The following NAV2 variants were observed in gnomAD, a reference collection of about 807,000 sequenced individuals.
NAV2 encodes neuron navigator 2, also known as helicase, APC down-regulated 1.
A neutral mutation model predicts 223.2 loss-of-function variants in NAV2; 54 were observed. The observed-to-expected ratio is 0.24, with a 90% CI of 0.19 to 0.30. The LOEUF (loss-of-function observed/expected upper bound fraction) is 0.30, where lower values mean the gene tolerates loss of function less well. Among genes scored for constraint, NAV2 ranks in the 10% least tolerant of loss-of-function variants. NAV2 has a pLI of 1.00. For synonymous variants in NAV2, 1,279 were observed against 1,239.3 expected (o/e 1.03, Z -0.67); for missense variants, 2,806 against 3,147.5 (o/e 0.89, Z 2.60).
chr11:19,430,693 C>T (rs1851007930), intron 1 of NAV2, among the ~76,000 whole-genome samples: 2 of 149,996 alleles, frequency 1.3e-5, no homozygotes, highest in Non-Finnish European at 3.0e-5. Flanking sequence ...GAGCTCTGCA[C>T]ACATCCAGTT....
At chr11:20,100,021 A>G (rs1316988218) in intron 31 of NAV2, among the ~76,000 whole-genome samples, 1 of 152,126 alleles carries the variant, frequency 6.6e-6, no homozygotes, top group Non-Finnish European at 1.5e-5. Flanking sequence ...ATATAGATGC[A>G]TTGGGGGGAT....
chr11:19,853,562 C>T (rs921975809), intron 3 of NAV2, among the ~76,000 whole-genome samples: 5 of 152,146 alleles, frequency 3.3e-5, no homozygotes, highest in African/African-American at 1.2e-4. Context: ...TTGTGTGGCC[C>T]TAGACAATTC....
intron 1 of NAV2, among the ~76,000 whole-genome samples, chr11:19,636,384 C>G (rs552592429): frequency 3.8e-4 from 58 of 152,212 alleles, no homozygotes; most frequent in African/African-American, 1.3e-3. Context: ...GCTCATCACT[C>G]TGGAAGGGAC....
intron 20 of NAV2, among the ~76,000 whole-genome samples, chr11:20,067,721 C>T (rs2059141150): frequency 6.6e-6 from 1 of 151,366 alleles, no homozygotes; most frequent in Non-Finnish European, 1.5e-5. Context: ...AACTCCTGAC[C>T]TCAAGTGGTC....
chr11:19,743,357 C>A (rs192378050), intron 1 of NAV2, among the ~76,000 whole-genome samples: 1 of 152,218 alleles, frequency 6.6e-6, no homozygotes, highest in East Asian at 1.9e-4. Flanking sequence ...AGCAACAAGA[C>A]AGATGGCAGA....
chr11:19,806,228 G>A (rs573610970), intron 1 of NAV2, among the ~76,000 whole-genome samples: 1 of 152,332 alleles, frequency 6.6e-6, no homozygotes, highest in East Asian at 1.9e-4. Flanking sequence ...TTTATAGATG[G>A]TTGAATTCTC....
At position 19,836,430 on chromosome 11, in the gene NAV2, G is replaced by A. The variant is rs930206943; in HGVS notation, c.385+3829G>A. ...AAATTAGCCGGGCGCGGTGGCGGGC[G>A]CCTGTAGTCCCAGCTGCTCGGGAGG... is the stretch of plus-strand genomic sequence containing the variant. On this transcript the variant is annotated intron_variant, in intron 2 of 37. Coordinates refer to ENST00000349880, the MANE Select transcript of NAV2 (RefSeq NM_145117.5). 4.5e-4 allele frequency among the ~76,000 whole-genome samples: 68 copies of A among 152,050 alleles called. No homozygotes were observed. In the East Asian group the frequency reaches 9.7e-3, roughly 22 times the overall value.
At chr11:19,429,150 C>G (rs923379862) in intron 1 of NAV2, among the ~76,000 whole-genome samples, 1 of 152,212 alleles carries the variant, frequency 6.6e-6, no homozygotes, top group African/African-American at 2.4e-5. Flanking sequence ...CTTCTCTTGC[C>G]AGATTGGGAG....
intron 11 of NAV2, among the ~76,000 whole-genome samples, chr11:20,007,058 A>G (rs2053146072): frequency 6.6e-6 from 1 of 152,000 alleles, no homozygotes; most frequent in Non-Finnish European, 1.5e-5. Flanking sequence ...CCAGGCTCAA[A>G]CAATCCTCCC....
At chr11:19,363,433 T>C (rs1854076741) in intron 1 of NAV2, among the ~76,000 whole-genome samples, 1 of 152,210 alleles carries the variant, frequency 6.6e-6, no homozygotes, top group Non-Finnish European at 1.5e-5. Context: ...ATCCTCATTT[T>C]ACAGGTGAGA....
At chr11:19,397,980 G>A (rs933296048) in intron 1 of NAV2, among the ~76,000 whole-genome samples, 2 of 152,188 alleles carry the variant, frequency 1.3e-5, no homozygotes, top group African/African-American at 4.8e-5. Context: ...CAGAAGCCTT[G>A]ATGCCAAGAG....
chr11:19,964,670 A>T lies in NAV2; in HGVS notation c.2645+15590A>T, dbSNP rs553164768. On this transcript the variant is annotated intron_variant, in intron 10 of 37. Coordinates refer to ENST00000349880, the MANE Select transcript of NAV2 (RefSeq NM_145117.5). ...ACCACCACACCCAGCTAATTTTTTT[A>T]AAACATTTTTTGTAGAAATGGTGTC... is the stretch of plus-strand genomic sequence containing the variant. Among the ~76,000 whole-genome samples the T allele has an allele frequency of 4.0e-5, 6 of 151,454 alleles. No individual in the cohort carries two copies. In the East Asian group the frequency reaches 1.2e-3, roughly 30 times the overall value.
chr11:19,412,724 A>G (rs1850198630), intron 1 of NAV2, among the ~76,000 whole-genome samples: 1 of 152,224 alleles, frequency 6.6e-6, no homozygotes, highest in Admixed American at 6.5e-5. Context: ...TTCCAAAGGA[A>G]GAAACAGGCA....
At chr11:19,401,148 A>G (rs150801979) in intron 1 of NAV2, among the ~76,000 whole-genome samples, 24 of 152,368 alleles carry the variant, frequency 1.6e-4, no homozygotes, top group African/African-American at 5.5e-4. Context: ...GTTGTAGCCC[A>G]TAAAATATTA....
intron 1 of NAV2, among the ~76,000 whole-genome samples, chr11:19,436,622 A>G (rs921833972): frequency 6.6e-6 from 1 of 152,086 alleles, no homozygotes; most frequent in African/African-American, 2.4e-5. Context: ...GAAAAATGAC[A>G]TTGGAATTTT....
intron 17 of NAV2, among the ~76,000 whole-genome samples, chr11:20,051,923 A>G (rs1315542379): frequency 6.6e-6 from 1 of 152,196 alleles, no homozygotes; most frequent in African/African-American, 2.4e-5. Context: ...CCCAGGAAGG[A>G]CTGTCCTTCC....
intron 3 of NAV2, among the ~76,000 whole-genome samples, chr11:19,862,251 G>A (rs1159297957): frequency 6.6e-6 from 1 of 152,208 alleles, no homozygotes; most frequent in African/African-American, 2.4e-5. Context: ...GAAAGCTGAA[G>A]TTATAAATAT....
chr11:20,021,182 G>C (rs2054479203), intron 11 of NAV2, among the ~76,000 whole-genome samples: 1 of 152,006 alleles, frequency 6.6e-6, no homozygotes, highest in South Asian at 2.1e-4. Context: ...TTTACATTTT[G>C]TCTCATTTAT....
intron 1 of NAV2, among the ~76,000 whole-genome samples, chr11:19,669,856 T>C (rs544621441): frequency 6.6e-6 from 1 of 152,358 alleles, no homozygotes; most frequent in African/African-American, 2.4e-5. Flanking sequence ...CCTTCCTCCC[T>C]TGTCCTGGGT....
Sources: gnomAD v4.1 joint callset for allele counts (sites outside exome capture counted in the v4.1 genomes callset) on GRCh38, gnomAD v4.1.1 for gene constraint, MANE v1.5 for transcripts, NCBI Gene and HGNC (gene_info 2026-07-23, HGNC 2026-07-21) for gene names.